The following VAMP7 variants were observed in gnomAD, a reference collection of about 807,000 sequenced individuals.
VAMP7 encodes the protein vesicle associated membrane protein 7, also known as vesicle-associated membrane protein 7.
VAMP7 carries 14 observed loss-of-function variants against 29.6 expected under a neutral mutation model. That is an observed-to-expected ratio of 0.47 (90% confidence interval 0.31 to 0.74). VAMP7 has a LOEUF of 0.74. Among genes scored for constraint, VAMP7 ranks in the 30% least tolerant of loss-of-function variants. The pLI is 0.05. For synonymous variants in VAMP7, 95 were observed against 88.1 expected (o/e 1.08, Z -0.44); for missense variants, 223 against 262.4 (o/e 0.85, Z 1.04).
chrX:155,930,274 C>A (rs907856369), intron 6 of VAMP7, among the ~76,000 whole-genome samples: 1 of 152,086 alleles, frequency 6.6e-6, no homozygotes. Flanking sequence ...ATCACATAGT[C>A]ATTTTTTCTG....
intron 6 of VAMP7, among the ~76,000 whole-genome samples, chrX:155,937,999 T>A (rs1569452755): frequency 6.6e-6 from 1 of 152,210 alleles, no homozygotes; most frequent in African/African-American, 2.4e-5. Context: ...TTTTAAAAAA[T>A]TATGCCATTT....
At chrX:155,892,984 C>T (rs1489652273) in intron 2 of VAMP7, among the ~76,000 whole-genome samples, 1 of 151,856 alleles carries the variant, frequency 6.6e-6, no homozygotes, top group African/African-American at 2.4e-5. Context: ...AACTCCTGAC[C>T]TCAGGCAATC....
At chrX:155,929,548 A>C (rs1357530122) in intron 6 of VAMP7, among the ~76,000 whole-genome samples, 1 of 151,870 alleles carries the variant, frequency 6.6e-6, no homozygotes, top group African/African-American at 2.4e-5. Flanking sequence ...GGCTGCTCTG[A>C]GCTGTTTTTC....
At chrX:155,904,166 G>C (rs1259782698) in intron 5 of VAMP7, among the ~76,000 whole-genome samples, 1 of 144,860 alleles carries the variant, frequency 6.9e-6, no homozygotes, top group Non-Finnish European at 1.5e-5. Flanking sequence ...GAGAACACAT[G>C]GACACAGGAA....
chrX:155,905,673 T>C (rs2066137227), intron 5 of VAMP7, among the ~76,000 whole-genome samples: 1 of 152,212 alleles, frequency 6.6e-6, no homozygotes, highest in Admixed American at 6.5e-5. Flanking sequence ...TCTTTCCCTG[T>C]TGAATGATCT....
chrX:155,921,228 C>T lies in VAMP7; in HGVS notation c.501+1348C>T, dbSNP rs181707600. 1.8e-3 allele frequency among the ~76,000 whole-genome samples: 281 copies of T among 152,248 alleles called. 1 individual carries two copies. Among genetic ancestry groups the T allele is most frequent in the African/African-American group, 6.6e-3 (275 of 41,550 alleles). ...AAAACAGAAGGTACTAATGAACTAA[C>T]AGGTATCTCTCTTTATGGTAGAATA... On this transcript the variant is annotated intron_variant, in intron 6 of 7. Coordinates refer to ENST00000286448, the MANE Select transcript of VAMP7 (RefSeq NM_005638.6).
At chrX:155,920,937 G>A (rs955957166) in intron 6 of VAMP7, among the ~76,000 whole-genome samples, 5 of 152,136 alleles carry the variant, frequency 3.3e-5, no homozygotes, top group African/African-American at 4.8e-5. Flanking sequence ...CATGTGGTAG[G>A]TGGAGGAAGG....
At chrX:155,897,117 A>G (rs2065998213) in intron 3 of VAMP7, among the ~76,000 whole-genome samples, 1 of 152,170 alleles carries the variant, frequency 6.6e-6, no homozygotes, top group Admixed American at 6.5e-5. Context: ...GTGATGGTAT[A>G]CAAAAAAAGA....
intron 7 of VAMP7, among the ~76,000 whole-genome samples, chrX:155,940,106 A>G (rs1321270160): frequency 2.0e-5 from 3 of 152,100 alleles, no homozygotes; most frequent in Non-Finnish European, 2.9e-5. Flanking sequence ...TTTATTTTTA[A>G]ATTAATTATG....
chrX:155,902,641 CT>C (rs1177016317), intron 5 of VAMP7, among the ~76,000 whole-genome samples: 1 of 152,026 alleles, frequency 6.6e-6, no homozygotes, highest in East Asian at 1.9e-4. Context: ...TGGTTTTTGT[CT>C]TTGGTTCCGT....
Position 155,941,942 on chromosome X carries a change from G to A in VAMP7, c.654G>A (p.Val218=). The change falls in exon 8 of 8, where the codon GTG becomes GTA. Residue 218 remains valine (V), a synonymous_variant. Transcript: ENST00000286448. The part of the protein sequence containing the change: ...LCGGFTWPSC[V]KK Reference sequence around the variant, plus strand: ...GTGGATTTACATGGCCAAGCTGTGTGAAGAAATAGGAAAGAAGAAGTTACC... The same window carrying A: ...GTGGATTTACATGGCCAAGCTGTGTAAAGAAATAGGAAAGAAGAAGTTACC... The A allele has an allele frequency of 6.2e-7, 1 of 1,613,728 alleles. No individual in the cohort carries two copies. Among genetic ancestry groups the A allele is most frequent in the Non-Finnish European group, 8.5e-7 (1 of 1,179,790 alleles).
chrX:155,911,068 G>T (rs2066230531), intron 5 of VAMP7, among the ~76,000 whole-genome samples: 1 of 152,046 alleles, frequency 6.6e-6, no homozygotes, highest in Admixed American at 6.6e-5. Context: ...TTATAGTTCT[G>T]GGTCTGAAAT....
At chrX:155,930,651 C>CA (rs1042491098) in intron 6 of VAMP7, among the ~76,000 whole-genome samples, 23 of 141,466 alleles carry the variant, frequency 1.6e-4, no homozygotes, top group East Asian at 6.1e-4. Context: ...ACCTCCATCT[C>CA]AAAAAAAAAA....
chrX:155,898,004 G>T (rs1413368891), intron 3 of VAMP7, 108 bp from the exon 4 acceptor site: 2 of 1,381,964 alleles, frequency 1.4e-6, no homozygotes, highest in Non-Finnish European at 2.0e-6. Context: ...TTCCTCCTCA[G>T]ATAATCATTG....
In VAMP7 at chrX:155,943,406, C is replaced by G. The variant is rs73638056; in HGVS notation, c.*1455C>G. The G allele has an allele frequency of 1.8e-3, 273 of 152,374 alleles. 3 individuals carry two copies. The highest frequency in any genetic ancestry group is 6.2e-3 in the African/African-American group (258 of 41,452). 9.4% of individuals were successfully genotyped at this position (152,374 alleles called of 1,614,324 possible). A position where few individuals can be genotyped will look rare whatever the true frequency, so the allele number is the denominator to read the frequency against. On this transcript the variant is annotated 3_prime_UTR_variant, in exon 8 of 8. Transcript: ENST00000286448. Reference sequence around the variant, plus strand: ...CCTGATTCATTTATTTGACATAGATCTTAGGCCCACTTGAACTCTTTTCTT... The same window carrying G: ...CCTGATTCATTTATTTGACATAGATGTTAGGCCCACTTGAACTCTTTTCTT...
At chrX:155,920,191 T>G (rs1392411807) in intron 6 of VAMP7, among the ~76,000 whole-genome samples, 1 of 152,206 alleles carries the variant, frequency 6.6e-6, no homozygotes, top group Non-Finnish European at 1.5e-5. Flanking sequence ...TCTGTTCCCT[T>G]TACAAATTTG....
intron 3 of VAMP7, 73 bp from the exon 4 acceptor site, chrX:155,898,039 A>T: frequency 1.3e-6 from 2 of 1,546,010 alleles, no homozygotes; most frequent in Non-Finnish European, 8.8e-7. Context: ...GCTGTTTTTT[A>T]TTGTTGTTCT....
intron 6 of VAMP7, 92 bp downstream of exon 6, chrX:155,919,972 A>G: frequency 9.4e-7 from 1 of 1,064,086 alleles, no homozygotes; most frequent in South Asian, 1.4e-5. Flanking sequence ...TTAAATTCAA[A>G]TATTTGGTGG....
intron 6 of VAMP7, among the ~76,000 whole-genome samples, chrX:155,927,218 C>T (rs1440809844): frequency 6.6e-6 from 1 of 151,216 alleles, no homozygotes; most frequent in East Asian, 1.9e-4. Flanking sequence ...TGGGGCCTGT[C>T]GGGGAGTGGG....
Sources: gnomAD v4.1 joint callset for allele counts (sites outside exome capture counted in the v4.1 genomes callset) on GRCh38, gnomAD v4.1.1 for gene constraint, MANE v1.5 for transcripts, NCBI Gene and HGNC (gene_info 2026-07-23, HGNC 2026-07-21) for gene names.